Variants in TMEM272 observed in about 807,000 individuals in gnomAD.
The protein encoded by TMEM272 is long intergenic non-protein coding RNA 282.
A neutral mutation model predicts 3.7 loss-of-function variants in TMEM272; 8 were observed. The ratio of observed to expected loss-of-function variants is 2.17; its 90% CI spans 1.27 to 3.91. The LOEUF (loss-of-function observed/expected upper bound fraction) is 3.91, where lower values mean the gene tolerates loss of function less well. Among genes scored for constraint, TMEM272 ranks in the 30% most tolerant of loss-of-function variants. The pLI is 0.00. For synonymous variants in TMEM272, 63 were observed against 39.8 expected (o/e 1.58, Z -2.20); for missense variants, 166 against 91.5 (o/e 1.81, Z -3.32).
chr13:51,928,288 T>G, the TMEM272 span, among the ~76,000 whole-genome samples: 1 of 152,184 alleles, frequency 6.6e-6, no homozygotes, highest in African/African-American at 2.4e-5. Flanking sequence ...TTTGTTTGTT[T>G]TTTCCTAGAA....
chr13:51,862,038 A>G, the TMEM272 span: 1 of 152,222 alleles, frequency 6.6e-6, no homozygotes, highest in Non-Finnish European at 1.5e-5. Context: ...TCCTTTCCTT[A>G]AAGTCTTTTA....
At chr13:51,932,616 C>G in the TMEM272 span, 1 of 152,196 alleles carries the variant, frequency 6.6e-6, no homozygotes, top group African/African-American at 2.4e-5. Context: ...CAGAAGCCCT[C>G]GTGAAGACAA....
chr13:51,852,368 C>T, the TMEM272 span, among the ~76,000 whole-genome samples: 1 of 152,196 alleles, frequency 6.6e-6, no homozygotes, highest in Non-Finnish European at 1.5e-5. Flanking sequence ...TTCAGAAGCT[C>T]TTTATAAAAC....
chr13:51,839,172 C>T (rs1046085715), intron 1 of TMEM272, among the ~76,000 whole-genome samples: 5 of 152,142 alleles, frequency 3.3e-5, no homozygotes, highest in Non-Finnish European at 5.9e-5. Context: ...AGCACCACCC[C>T]GGCTCCCCTG....
chr13:51,871,553 T>C, the TMEM272 span, among the ~76,000 whole-genome samples: 6 of 151,920 alleles, frequency 3.9e-5, no homozygotes, highest in Non-Finnish European at 7.4e-5. Context: ...ATAACTAGCA[T>C]CCCTTGCCAC....
At chr13:51,911,077 G>A in the TMEM272 span, among the ~76,000 whole-genome samples, 1 of 152,158 alleles carries the variant, frequency 6.6e-6, no homozygotes, top group Non-Finnish European at 1.5e-5. Context: ...TGCAGCAGTA[G>A]CTAACTGAAA....
the TMEM272 span, among the ~76,000 whole-genome samples, chr13:51,861,745 A>C: frequency 7.9e-5 from 12 of 152,336 alleles, no homozygotes; most frequent in East Asian, 2.3e-3. Flanking sequence ...TCAAATCTGC[A>C]TATCCAAGAA....
At chr13:51,885,455 T>C in the TMEM272 span, among the ~76,000 whole-genome samples, 1 of 152,088 alleles carries the variant, frequency 6.6e-6, no homozygotes, top group Admixed American at 6.5e-5. Context: ...AGCCACCAGA[T>C]CTTGTGAGAA....
chr13:51,897,362 ATTTTTTTTTT>A, the TMEM272 span, among the ~76,000 whole-genome samples: 20 of 82,440 alleles, frequency 2.4e-4, no homozygotes, highest in African/African-American at 4.9e-4. Context: ...TGTCTGGCTA[ATTTTTTTTTT>A]TTTTTTTTTT....
At chr13:51,868,174 C>T in the TMEM272 span, among the ~76,000 whole-genome samples, 1 of 152,250 alleles carries the variant, frequency 6.6e-6, no homozygotes, top group South Asian at 2.1e-4. Flanking sequence ...TTCATCACCA[C>T]TGTGCCTTGC....
chr13:51,879,427 C>T, the TMEM272 span, among the ~76,000 whole-genome samples: 2 of 152,278 alleles, frequency 1.3e-5, no homozygotes, highest in Admixed American at 6.5e-5. Context: ...TCTACTGCCA[C>T]GACTCACCAT....
At chr13:51,890,253 AG>A in the TMEM272 span, among the ~76,000 whole-genome samples, 11 of 152,156 alleles carry the variant, frequency 7.2e-5, no homozygotes, top group Non-Finnish European at 1.0e-4. Flanking sequence ...CCAATATTGG[AG>A]GTGGGGCCTA....
intron 4 of TMEM272, among the ~76,000 whole-genome samples, chr13:51,817,858 G>A (rs1236621297): frequency 3.3e-5 from 5 of 152,240 alleles, no homozygotes; most frequent in African/African-American, 9.6e-5. Context: ...ACACGCCTTC[G>A]AAATTCTGCT....
intron 4 of TMEM272, among the ~76,000 whole-genome samples, chr13:51,817,935 G>C (rs1242302274): frequency 6.6e-6 from 1 of 152,186 alleles, no homozygotes; most frequent in African/African-American, 2.4e-5. Context: ...CTTTGTCACA[G>C]GGGAGCACAC....
chr13:51,878,707 A>T, the TMEM272 span, among the ~76,000 whole-genome samples: 1 of 152,204 alleles, frequency 6.6e-6, no homozygotes, highest in Admixed American at 6.5e-5. Flanking sequence ...GAGAAAGGTA[A>T]GGGCCAGAGA....
the TMEM272 span, among the ~76,000 whole-genome samples, chr13:51,891,858 G>A: frequency 1.3e-5 from 2 of 152,192 alleles, no homozygotes; most frequent in East Asian, 3.8e-4. Flanking sequence ...ACTGGGCAGT[G>A]GGGGTTGGAG....
intron 3 of TMEM272, among the ~76,000 whole-genome samples, 173 bp from the exon 4 acceptor site, chr13:51,822,310 T>C (rs1253319146): frequency 6.6e-6 from 1 of 152,156 alleles, no homozygotes; most frequent in Non-Finnish European, 1.5e-5. Flanking sequence ...CTCAGTGGAT[T>C]GACACCGCAG....
intron 3 of TMEM272, among the ~76,000 whole-genome samples, chr13:51,824,529 AC>A (rs1670008072): frequency 6.6e-6 from 1 of 152,204 alleles, no homozygotes; most frequent in South Asian, 2.1e-4. Context: ...AGAAGCAATA[AC>A]ACCTCCAAAA....
At chr13:51,840,680 G>A (rs924359398) in intron 1 of TMEM272, among the ~76,000 whole-genome samples, 2 of 152,192 alleles carry the variant, frequency 1.3e-5, no homozygotes, top group African/African-American at 2.4e-5. Context: ...TGGGGGATGC[G>A]CATGAGTCTG....
Sources: gnomAD v4.1 joint callset for allele counts (sites outside exome capture counted in the v4.1 genomes callset) on GRCh38, gnomAD v4.1.1 for gene constraint, MANE v1.5 for transcripts, NCBI Gene and HGNC (gene_info 2026-07-23, HGNC 2026-07-21) for gene names.